The following CRTC3 variants were observed in gnomAD, a reference collection of about 807,000 sequenced individuals.
CRTC3 encodes the protein CREB regulated transcription coactivator 3, also known as CREB-regulated transcription coactivator 3.
In CRTC3, 26 loss-of-function variants were observed where a neutral mutation model predicts 74.5. The observed-to-expected ratio is 0.35, with a 90% CI of 0.26 to 0.48. The LOEUF (loss-of-function observed/expected upper bound fraction) is 0.48. Among genes scored for constraint, CRTC3 ranks in the 20% least tolerant of loss-of-function variants. CRTC3 has a pLI of 0.99. For synonymous variants in CRTC3, 377 were observed against 325.8 expected, an observed-to-expected ratio of 1.16 and a Z score of -1.69; for missense variants, 760 against 787.3, an observed-to-expected ratio of 0.97 and a Z score of 0.41.
At chr15:90,620,580 G>A (rs572876630) in intron 9 of CRTC3, among the ~76,000 whole-genome samples, 95 of 152,186 alleles carry the variant, frequency 6.2e-4, no homozygotes, top group African/African-American at 2.0e-3. Context: ...TGCGTGGGAC[G>A]GTACAGACAG....
intron 9 of CRTC3, among the ~76,000 whole-genome samples, chr15:90,620,758 T>C (rs887177531): frequency 6.6e-6 from 1 of 152,120 alleles, no homozygotes; most frequent in Admixed American, 6.6e-5. Flanking sequence ...GCCAAAATAA[T>C]GTGGTTTGGA....
At chr15:90,532,847 G>T (rs1447354021) in intron 1 of CRTC3, among the ~76,000 whole-genome samples, 4 of 146,952 alleles carry the variant, frequency 2.7e-5, no homozygotes, top group Admixed American at 2.0e-4. Flanking sequence ...AGCACTTTGG[G>T]AGGCTGAGGC....
At chr15:90,634,878 G>T in intron 11 of CRTC3, 2 of 1,558,810 alleles carry the variant, frequency 1.3e-6, no homozygotes, top group Non-Finnish European at 8.8e-7. Flanking sequence ...TGTTGGATCG[G>T]GTTCTAAAGG....
intron 13 of CRTC3, among the ~76,000 whole-genome samples, chr15:90,639,433 A>G (rs1194181418): frequency 2.0e-5 from 3 of 150,108 alleles, no homozygotes; most frequent in African/African-American, 5.0e-5. Flanking sequence ...AGAAGGGTTG[A>G]ACAGGTTCCA....
intron 11 of CRTC3, among the ~76,000 whole-genome samples, chr15:90,631,254 T>G (rs1969028658): frequency 6.6e-6 from 1 of 152,088 alleles, no homozygotes; most frequent in African/African-American, 2.4e-5. Context: ...AGAGGACATT[T>G]CATAATTTTT....
Position 90,612,501 on chromosome 15 carries a change from C to T in CRTC3, c.578-1952C>T, listed in dbSNP as rs76013828. On this transcript the variant is annotated intron_variant, in intron 6 of 14. Coordinates refer to ENST00000268184, the MANE Select transcript of CRTC3 (RefSeq NM_022769.5). ...TATCTGCCAGCCACTCAGGCAGTTT[C>T]ACATGGTAGCCCTCAGTTGAGTCCT... Among the ~76,000 whole-genome samples, 452 of 152,142 alleles carry T rather than the reference C, an allele frequency of 3.0e-3. 4 individuals carry two copies. The highest frequency in any genetic ancestry group is 0.01 in the African/African-American group (423 of 41,510).
intron 2 of CRTC3, among the ~76,000 whole-genome samples, chr15:90,542,007 C>G (rs796414580): frequency 5.3e-5 from 8 of 151,962 alleles, no homozygotes; most frequent in African/African-American, 1.9e-4. Flanking sequence ...TGGTCTTGAA[C>G]TCCTGACCTC....
intron 5 of CRTC3, 40 bp from the exon 6 acceptor site, chr15:90,607,337 GA>G: frequency 8.1e-7 from 1 of 1,239,114 alleles, no homozygotes; most frequent in Non-Finnish European, 1.2e-6. Context: ...TTTCACTAAG[GA>G]AAACGGATTT....
intron 7 of CRTC3, 180 bp downstream of exon 7, chr15:90,614,668 G>C (rs909270739): frequency 7.0e-5 from 36 of 512,486 alleles, no homozygotes; most frequent in Non-Finnish European, 1.2e-4. Context: ...TTCAGGGCCA[G>C]GAGAAAGGAA....
At chr15:90,534,935 G>C (rs952735197) in intron 1 of CRTC3, among the ~76,000 whole-genome samples, 2 of 152,106 alleles carry the variant, frequency 1.3e-5, no homozygotes, top group Admixed American at 6.5e-5. Flanking sequence ...CAAGGCAGGC[G>C]GATCACCTAA....
chr15:90,596,380 A>T (rs1967927443), intron 3 of CRTC3: 1 of 152,264 alleles, frequency 6.6e-6, no homozygotes, highest in Non-Finnish European at 1.5e-5. Context: ...CCTATCTCTT[A>T]TGATAGGGTA....
At chr15:90,557,457 C>G (rs1288571792) in intron 2 of CRTC3, among the ~76,000 whole-genome samples, 1 of 152,196 alleles carries the variant, frequency 6.6e-6, no homozygotes, top group Non-Finnish European at 1.5e-5. Flanking sequence ...CGCCCCCTTC[C>G]TATCTCAGGG....
At chr15:90,635,049 A>C in intron 11 of CRTC3, 1 of 930,590 alleles carries the variant, frequency 1.1e-6, no homozygotes, top group Non-Finnish European at 1.8e-6. Flanking sequence ...GTCACTACTG[A>C]AATGGCATCA....
At chr15:90,541,737 A>T (rs980550701) in intron 2 of CRTC3, among the ~76,000 whole-genome samples, 4 of 149,906 alleles carry the variant, frequency 2.7e-5, no homozygotes, top group South Asian at 2.1e-4. Context: ...CTCCGGTTGC[A>T]TTGGGGAATG....
rs1279246230 is a variant in CRTC3, at chr15:90,643,258, C to T, written c.*1118C>T. ...CCGCCATGCCGTAAGGCAGGCTCAC[C>T]TGTAGCTATCCCCTTCCCTGCCAGA... On this transcript the variant is annotated 3_prime_UTR_variant, in exon 15 of 15. Coordinates refer to ENST00000268184, the MANE Select transcript of CRTC3 (RefSeq NM_022769.5). 1 of 232,508 alleles carries T rather than the reference C, an allele frequency of 4.3e-6. No homozygotes were observed. The highest frequency in any genetic ancestry group is 1.8e-4 in the South Asian group (1 of 5,520). 14.4% of individuals were successfully genotyped at this position (232,508 alleles called of 1,614,324 possible).
chr15:90,635,052 T>A, intron 11 of CRTC3: 1 of 911,588 alleles, frequency 1.1e-6, no homozygotes, highest in Non-Finnish European at 1.8e-6. Context: ...ACTACTGAAA[T>A]GGCATCAGTG....
chr15:90,642,022 T>G lies in CRTC3; in HGVS notation c.1742T>G (p.Leu581Arg), dbSNP rs1271116254. 2 of 1,613,942 alleles carry G rather than the reference T, an allele frequency of 1.2e-6. No homozygotes were observed. The highest frequency in any genetic ancestry group is 2.2e-5 in the East Asian group (1 of 44,882). Residue 581 changes from leucine to arginine, a missense_variant, in exon 15 of 15, where the codon CTG (leucine) becomes CGG (arginine). Around this residue, in one of 2 missense-constraint regions of CRTC3, gnomAD observed 652 missense variants for 635.2 expected, o/e 1.03. Transcript: ENST00000268184. ...CTGAACGTGGACACTCCATTTCCACTGGAAGAGGAGCTGCAGATTGAACCC... is the reference window on the plus strand; with the variant it reads ...CTGAACGTGGACACTCCATTTCCACGGGAAGAGGAGCTGCAGATTGAACCC... ...VSLNVDTPFP[L>R]EEELQIEPLS...
intron 11 of CRTC3, among the ~76,000 whole-genome samples, chr15:90,633,980 T>G (rs1176697655): frequency 6.6e-6 from 1 of 152,156 alleles, no homozygotes; most frequent in East Asian, 1.9e-4. Flanking sequence ...TATCATCTTT[T>G]ATCTCTCAGG....
At chr15:90,608,431 T>G (rs1173096257) in intron 6 of CRTC3, among the ~76,000 whole-genome samples, 1 of 152,158 alleles carries the variant, frequency 6.6e-6, no homozygotes, top group Non-Finnish European at 1.5e-5. Flanking sequence ...TACTGGTGTT[T>G]CTTCCTGTTC....
Sources: allele counts gnomAD v4.1 joint callset (sites outside exome capture counted in the v4.1 genomes callset), GRCh38; gene constraint gnomAD v4.1.1; regional missense constraint gnomAD v4.1.1; transcripts MANE v1.5; gene names NCBI Gene and HGNC (gene_info 2026-07-23, HGNC 2026-07-21).